STK32B: variants seen among roughly 807,000 people sequenced by gnomAD.
STK32B encodes the protein serine/threonine-protein kinase 32B.
In STK32B, 43 loss-of-function variants were observed where a neutral mutation model predicts 52.6. The ratio of observed to expected loss-of-function variants is 0.82; its 90% confidence interval spans 0.64 to 1.05. The LOEUF (loss-of-function observed/expected upper bound fraction) is 1.05, where lower values mean the gene tolerates loss of function less well. Among genes scored for constraint, STK32B ranks in the 50% least tolerant of loss-of-function variants. The pLI is 0.00. For missense variants in STK32B, 621 were observed against 534.6 expected (o/e 1.16, Z -1.59); for synonymous variants, 238 against 204.3 (o/e 1.17, Z -1.41).
chr4:5,053,938 C>T (rs1741891249), intron 1 of STK32B, among the ~76,000 whole-genome samples: 1 of 151,266 alleles, frequency 6.6e-6, no homozygotes, highest in Non-Finnish European at 1.5e-5. Flanking sequence ...GAGATCGCAC[C>T]ATTGCATTCG....
intron 3 of STK32B, among the ~76,000 whole-genome samples, chr4:5,225,599 C>G (rs182951545): frequency 6.6e-6 from 1 of 152,108 alleles, no homozygotes; most frequent in Non-Finnish European, 1.5e-5. Flanking sequence ...CGGTGGCTGA[C>G]AGGTTCAGAA....
At chr4:5,129,695 T>A (rs1715632003) in intron 1 of STK32B, among the ~76,000 whole-genome samples, 1 of 152,202 alleles carries the variant, frequency 6.6e-6, no homozygotes, top group Non-Finnish European at 1.5e-5. Flanking sequence ...CCTTACCGCA[T>A]TAATCACCTT....
intron 3 of STK32B, among the ~76,000 whole-genome samples, chr4:5,274,147 A>T (rs1727642868): frequency 6.6e-6 from 1 of 152,204 alleles, no homozygotes; most frequent in South Asian, 2.1e-4. Flanking sequence ...TCAAAAATAT[A>T]TGTGGAAATG....
intron 1 of STK32B, among the ~76,000 whole-genome samples, chr4:5,077,196 G>A (rs1026070134): frequency 1.3e-5 from 2 of 152,162 alleles, no homozygotes; most frequent in African/African-American, 4.8e-5. Context: ...ATGAATAAAC[G>A]AGTCTGCTAG....
At chr4:5,173,373 C>G (rs1253922023) in intron 3 of STK32B, among the ~76,000 whole-genome samples, 2 of 152,054 alleles carry the variant, frequency 1.3e-5, no homozygotes, top group South Asian at 2.1e-4. Context: ...TCTTGCTTCT[C>G]TAGTTCTTTT....
chr4:5,053,740 T>G (rs1577613181), intron 1 of STK32B, among the ~76,000 whole-genome samples: 1 of 152,100 alleles, frequency 6.6e-6, no homozygotes, highest in Non-Finnish European at 1.5e-5. Flanking sequence ...CCCAGTACTT[T>G]GGGAGGCCGA....
chr4:5,110,673 G>A (rs150349095), intron 1 of STK32B, among the ~76,000 whole-genome samples: 2,635 of 151,972 alleles, frequency 0.017, 75 homozygotes, highest in African/African-American at 0.059. Context: ...GAAAACCTAG[G>A]GAAATGCTCT....
At chr4:5,023,233 G>A in the STK32B span, among the ~76,000 whole-genome samples, 1 of 152,182 alleles carries the variant, frequency 6.6e-6, no homozygotes, top group African/African-American at 2.4e-5. Context: ...ATAAATTCGT[G>A]ATGCTTGGAG....
At chr4:5,351,176 G>C (rs6811635) in intron 4 of STK32B, among the ~76,000 whole-genome samples, 22,675 of 152,000 alleles carry the variant, frequency 0.15, 2,356 homozygotes, top group African/African-American at 0.29. Flanking sequence ...AACAGCTACA[G>C]AATACATCAG....
intron 3 of STK32B, among the ~76,000 whole-genome samples, chr4:5,173,848 C>A (rs1022572031): frequency 1.3e-5 from 2 of 152,130 alleles, no homozygotes; most frequent in African/African-American, 4.8e-5. Flanking sequence ...AGTTCAATTC[C>A]TGGATATCCT....
At chr4:5,459,130 G>A (rs1330099521) in intron 8 of STK32B, among the ~76,000 whole-genome samples, 1 of 152,218 alleles carries the variant, frequency 6.6e-6, no homozygotes, top group Non-Finnish European at 1.5e-5. Flanking sequence ...AAGAGTGGCA[G>A]CCATGATCAG....
At chr4:5,474,859 T>A (rs544901170) in intron 11 of STK32B, among the ~76,000 whole-genome samples, 1 of 152,110 alleles carries the variant, frequency 6.6e-6, no homozygotes, top group Admixed American at 6.6e-5. Flanking sequence ...TCTCTGAAAC[T>A]CAGAAGTCTA....
intron 3 of STK32B, among the ~76,000 whole-genome samples, chr4:5,177,030 A>C (rs1392547903): frequency 6.6e-6 from 1 of 152,206 alleles, no homozygotes; most frequent in East Asian, 1.9e-4. Context: ...TTAACTGAAA[A>C]GAAGACATGA....
chr4:5,405,518 G>A (rs1282754931), intron 5 of STK32B, among the ~76,000 whole-genome samples: 1 of 152,114 alleles, frequency 6.6e-6, no homozygotes, highest in Non-Finnish European at 1.5e-5. Flanking sequence ...TCACACTGCT[G>A]TGAAGAACTA....
At chr4:5,131,911 C>T (rs1158104524) in intron 1 of STK32B, among the ~76,000 whole-genome samples, 2 of 152,186 alleles carry the variant, frequency 1.3e-5, no homozygotes, top group Admixed American at 6.5e-5. Flanking sequence ...GTATACATTA[C>T]ATGGCAAAAG....
In STK32B at chr4:5,481,866, G is replaced by C. The variant is rs902018394; in HGVS notation, c.1106+13796G>C. On this transcript the variant is annotated intron_variant, in intron 11 of 11. Transcript: ENST00000282908. ...AATCATTTCCCCATTTCTTGTTTTT[G>C]TCAGGTTTGTCAAAGATCCGATGGT... is the stretch of plus-strand genomic sequence containing the variant. Among the ~76,000 whole-genome samples the C allele has an allele frequency of 3.0e-4, 45 of 152,166 alleles. 2 individuals are homozygous for C. The Middle Eastern group carries it at 0.024, about 81-fold the overall frequency.
intron 4 of STK32B, among the ~76,000 whole-genome samples, chr4:5,357,062 TACACACATATAC>T (rs925809290): frequency 4.1e-5 from 6 of 146,206 alleles, no homozygotes; most frequent in African/African-American, 1.1e-4. Context: ...CACACATATA[TACACACATATAC>T]ACACACACAC....
chr4:5,127,477 C>T (rs1295875910), intron 1 of STK32B, among the ~76,000 whole-genome samples: 1 of 152,142 alleles, frequency 6.6e-6, no homozygotes, highest in Non-Finnish European at 1.5e-5. Flanking sequence ...ATTTATTGAA[C>T]CTCTTATTCA....
At chr4:5,336,160 C>G (rs578211155) in intron 4 of STK32B, among the ~76,000 whole-genome samples, 2 of 146,652 alleles carry the variant, frequency 1.4e-5, no homozygotes, top group Non-Finnish European at 3.0e-5. Flanking sequence ...GAAATGACAC[C>G]CACACACCCA....
Sources: gnomAD v4.1 joint callset for allele counts (sites outside exome capture counted in the v4.1 genomes callset) on GRCh38, gnomAD v4.1.1 for gene constraint, MANE v1.5 for transcripts, NCBI Gene and HGNC (gene_info 2026-07-23, HGNC 2026-07-21) for gene names.